Variants in ORC1 observed in about 807,000 individuals in gnomAD.
ORC1 encodes origin recognition complex, subunit 1 homolog.
A neutral mutation model predicts 98.9 loss-of-function variants in ORC1; 61 were observed. The ratio of observed to expected loss-of-function variants is 0.62; its 90% CI spans 0.50 to 0.76. The LOEUF (loss-of-function observed/expected upper bound fraction) is 0.76, where lower values mean the gene tolerates loss of function less well. Ranked by LOEUF, ORC1 falls within the 30% of genes least tolerant of loss-of-function variation. The probability of loss-of-function intolerance (pLI) is 0.00; values close to 1 mark genes in which losing one functional copy is unlikely to be tolerated. For missense variants in ORC1, 979 were observed against 1,072.2 expected (o/e 0.91, Z 1.21); for synonymous variants, 385 against 406.9 (o/e 0.95, Z 0.65).
intron 2 of ORC1, among the ~76,000 whole-genome samples, chr1:52,401,823 T>C (rs548540287): frequency 6.6e-6 from 1 of 152,288 alleles, no homozygotes; most frequent in Non-Finnish European, 1.5e-5. Context: ...TCTCCAGGGC[T>C]GGGAAAGACA....
At chr1:52,406,589 A>G (rs1018654707), upstream of ORC1, among the ~76,000 whole-genome samples, 1 of 152,128 alleles carries the variant, frequency 6.6e-6, no homozygotes, top group Admixed American at 6.5e-5. Context: ...TGACTATAAT[A>G]TAAGAGTGAA....
At chr1:52,385,118 G>C (rs377031361) in intron 10 of ORC1, 43 bp downstream of exon 10, 14 of 1,194,678 alleles carry the variant, frequency 1.2e-5, no homozygotes, top group Non-Finnish European at 1.5e-5. Context: ...CACTAGCAGG[G>C]GCCTTATTCC....
intron 7 of ORC1, among the ~76,000 whole-genome samples, chr1:52,388,891 C>T (rs1647177077): frequency 6.6e-6 from 1 of 151,956 alleles, no homozygotes; most frequent in African/African-American, 2.4e-5. Context: ...TTTTGCCTTC[C>T]CAAGGTTACA....
At chr1:52,390,985 A>T (rs1341737477) in intron 6 of ORC1, among the ~76,000 whole-genome samples, 2 of 151,890 alleles carry the variant, frequency 1.3e-5, no homozygotes, top group Non-Finnish European at 2.9e-5. Flanking sequence ...TGGATCAGAG[A>T]CTTAAATCTA....
chr1:52,381,817 G>C (rs1382609323), intron 13 of ORC1, 56 bp from the exon 14 acceptor site: 2 of 1,600,532 alleles, frequency 1.2e-6, no homozygotes, highest in African/African-American at 1.3e-5. Flanking sequence ...TGATTATCCA[G>C]GTGGAAAGTC....
rs200422610 is a variant in ORC1, at chr1:52,396,330, G to A, written c.437C>T (p.Thr146Met). Residue 146 changes from threonine to methionine, a missense_variant, in exon 5 of 17, where the codon ACG (threonine) becomes ATG (methionine). Transcript: ENST00000371568. ...IPLAPKDVVP[T>M]NLKNEKTLFV... Reference sequence around the variant, plus strand: ...GAGTGTCTTCTCATTTTTCAGATTCGTCGGTACCACATCCTTTGGGGCTAA... The same window carrying A: ...GAGTGTCTTCTCATTTTTCAGATTCATCGGTACCACATCCTTTGGGGCTAA... The A allele has an allele frequency of 4.3e-5, 70 of 1,613,892 alleles. 1 individual carries two copies. In the Middle Eastern group the frequency reaches 2.3e-3, roughly 53 times the overall value.
chr1:52,382,231 G>A (rs578229318), intron 13 of ORC1, among the ~76,000 whole-genome samples: 1 of 152,002 alleles, frequency 6.6e-6, no homozygotes, highest in Non-Finnish European at 1.5e-5. Context: ...CACCTGCCTC[G>A]GCCTCCCAAA....
At chr1:52,400,740 T>C (rs993663471) in intron 3 of ORC1, among the ~76,000 whole-genome samples, 1 of 152,230 alleles carries the variant, frequency 6.6e-6, no homozygotes, top group East Asian at 1.9e-4. Context: ...AGGCTTTCGA[T>C]GTGGGCTTGT....
chr1:52,382,065 G>A (rs931307232), intron 13 of ORC1, among the ~76,000 whole-genome samples: 2 of 151,748 alleles, frequency 1.3e-5, no homozygotes, highest in African/African-American at 2.4e-5. Context: ...TGCAAGCTCC[G>A]CCTCCTGGGT....
In ORC1 at chr1:52,393,602, T is replaced by C; in HGVS notation, c.923A>G (p.Lys308Arg). The C allele has an allele frequency of 6.2e-7, 1 of 1,614,228 alleles. No homozygotes were observed. The highest frequency in any genetic ancestry group is 8.5e-7 in the Non-Finnish European group (1 of 1,180,040). ...TATGCGATGTTCAGGTGAAGCCTTC[T>C]TGTCATCCTCAGTATAAGAGAGTCC... ...ETGLSYTEDD[K>R]KASPEHRIIL... is the part of the protein sequence containing the mutation. Residue 308 changes from lysine (K) to arginine (R), a missense_variant, in exon 6 of 17, where the codon AAG becomes AGG. By Grantham distance (26) the Lys-to-Arg change is conservative (BLOSUM62 2). Coordinates refer to ENST00000371568, the MANE Select transcript of ORC1 (RefSeq NM_004153.4).
chr1:52,373,176 C>A lies in ORC1; in HGVS notation c.*5G>T. 6.2e-7 allele frequency: 1 copy of A among 1,613,822 alleles called. No homozygotes were observed. The highest frequency in any genetic ancestry group is 8.5e-7 in the Non-Finnish European group (1 of 1,179,870). On this transcript the variant is annotated 3_prime_UTR_variant, in exon 17 of 17. Coordinates refer to ENST00000371568, the MANE Select transcript of ORC1 (RefSeq NM_004153.4). ...GACCCCAGTCTTTTAACTTGTGAAG[C>A]CCCTTTACTCGTCTTTCAGCGCATA...
rs1557574785 is a variant in ORC1 at position 52,384,712 on chromosome 1, G to A, written c.1593C>T (p.Tyr531=). Residue 531 remains tyrosine (Y), a synonymous_variant, in exon 11 of 17, where the codon TAC becomes TAT. Transcript: ENST00000371568. ...KLLDHTGGCM[Y]ISGVPGTGKT... is the part of the protein sequence containing the mutation. ...TCCCTGTCCCAGGGACACCGGAGAT[G>A]TACATGCACCTAGAGCAAGAGAGGA... The A allele has an allele frequency of 1.2e-6, 2 of 1,613,506 alleles. No individual in the cohort carries two copies.
intron 4 of ORC1, among the ~76,000 whole-genome samples, chr1:52,397,165 C>T (rs963979128): frequency 3.3e-5 from 5 of 152,208 alleles, no homozygotes; most frequent in African/African-American, 1.2e-4. Flanking sequence ...CATACAACCA[C>T]ACCTCACATC....
At chr1:52,395,409 A>G (rs536745190) in intron 5 of ORC1, among the ~76,000 whole-genome samples, 11 of 152,328 alleles carry the variant, frequency 7.2e-5, no homozygotes, top group African/African-American at 2.6e-4. Context: ...AGGACAAGGA[A>G]AGGAGTAGTG....
At chr1:52,379,520 G>A (rs1051760360) in intron 14 of ORC1, among the ~76,000 whole-genome samples, 2 of 152,032 alleles carry the variant, frequency 1.3e-5, no homozygotes, top group Non-Finnish European at 2.9e-5. Context: ...TGGGATTACA[G>A]GCGTGAGCCA....
intron 12 of ORC1, 104 bp from the exon 13 acceptor site, chr1:52,383,673 C>A: frequency 7.1e-7 from 1 of 1,406,392 alleles, no homozygotes; most frequent in Non-Finnish European, 1.0e-6. Flanking sequence ...TTTCCCAAGT[C>A]ATAGCACCAA....
At chr1:52,387,460 ACTTTT>A in intron 8 of ORC1, among the ~76,000 whole-genome samples, 1 of 151,644 alleles carries the variant, frequency 6.6e-6, no homozygotes. Flanking sequence ...TTCCCTAGAG[ACTTTT>A]CTTTTTTCTT....
At chr1:52,400,893 T>A (rs576430112) in intron 3 of ORC1, among the ~76,000 whole-genome samples, 1 of 152,344 alleles carries the variant, frequency 6.6e-6, no homozygotes, top group South Asian at 2.1e-4. Flanking sequence ...GGGTAAAATA[T>A]CTTAAGTGTT....
chr1:52,381,518 T>C, intron 14 of ORC1, 124 bp downstream of exon 14: 2 of 1,018,846 alleles, frequency 2.0e-6, no homozygotes, highest in Non-Finnish European at 2.9e-6. Context: ...CTTGTCTTTT[T>C]TGATATTTTT....
Sources: allele counts gnomAD v4.1 joint callset (sites outside exome capture counted in the v4.1 genomes callset), GRCh38; gene constraint gnomAD v4.1.1; transcripts MANE v1.5; gene names NCBI Gene and HGNC (gene_info 2026-07-23, HGNC 2026-07-21).